The following LIG1 variants were observed in gnomAD, a reference collection of about 807,000 sequenced individuals.
LIG1 encodes DNA ligase 1, also known as ligase I, DNA, ATP-dependent.
LIG1 carries 70 observed loss-of-function variants against 115.7 expected under a neutral mutation model. The ratio of observed to expected loss-of-function variants is 0.60; its 90% confidence interval spans 0.50 to 0.74. LIG1 has a LOEUF of 0.74. Among genes scored for constraint, LIG1 ranks in the 30% least tolerant of loss-of-function variants. The probability of loss-of-function intolerance (pLI) is 0.00; values close to 1 mark genes in which losing one functional copy is unlikely to be tolerated. For missense variants in LIG1, 1,115 were observed against 1,225.6 expected (o/e 0.91, Z 1.35); for synonymous variants, 487 against 495.3 (o/e 0.98, Z 0.22).
At chr19:48,127,865 G>C in intron 20 of LIG1, 45 bp downstream of exon 20, 5 of 1,490,032 alleles carry the variant, frequency 3.4e-6, no homozygotes, top group Non-Finnish European at 4.7e-6. Flanking sequence ...GGTGGAAGAT[G>C]AGGAAGTACG....
At chr19:48,128,049 C>T (rs1215520208) in intron 19 of LIG1, 29 bp from the exon 20 acceptor site, 1 of 1,559,536 alleles carries the variant, frequency 6.4e-7, no homozygotes, top group Non-Finnish European at 8.8e-7. Context: ...GACCCAGGGC[C>T]TGAGAGAGGT....
intron 19 of LIG1, among the ~76,000 whole-genome samples, chr19:48,128,889 A>G (rs1285901231): frequency 6.6e-6 from 1 of 152,120 alleles, no homozygotes; most frequent in East Asian, 1.9e-4. Context: ...CAGCCTCCCG[A>G]GTAGCTGGGA....
chr19:48,166,862 T>C (rs2036508635), intron 1 of LIG1, among the ~76,000 whole-genome samples: 1 of 146,202 alleles, frequency 6.8e-6, no homozygotes, highest in African/African-American at 2.6e-5. Context: ...TCCCAGCTAG[T>C]GGGGAGGCTG....
chr19:48,127,277 C>T lies in LIG1; in HGVS notation c.2004G>A (p.Glu668=), dbSNP rs2033730860. The change falls in exon 21 of 28, where the codon GAG becomes GAA. Residue 668 remains glutamate (E), a splice_region_variant and synonymous_variant. Coordinates refer to ENST00000263274, the MANE Select transcript of LIG1 (RefSeq NM_000234.3). ...CCCTGGACAGGAAGCTGGAACTCACCTCTCCATTGAGGTAGATGAGGTCGA... is the reference window on the plus strand; with the variant it reads ...CCCTGGACAGGAAGCTGGAACTCACTTCTCCATTGAGGTAGATGAGGTCGA... ...YAFDLIYLNG[E]SLVREPLSRR... The T allele has an allele frequency of 1.2e-6, 2 of 1,613,458 alleles. No individual in the cohort carries two copies. The highest frequency in any genetic ancestry group is 2.2e-5 in the South Asian group (2 of 91,078).
At chr19:48,123,590 A>T in intron 21 of LIG1, 1 of 529,576 alleles carries the variant, frequency 1.9e-6, no homozygotes, top group Non-Finnish European at 3.4e-6. Flanking sequence ...TTGAATTAAC[A>T]CTTTACGGGC....
intron 17 of LIG1, 23 bp from the exon 18 acceptor site, chr19:48,133,120 T>A (rs372450369): frequency 6.7e-7 from 1 of 1,481,904 alleles, no homozygotes; most frequent in East Asian, 2.3e-5. Flanking sequence ...GAGAGTGAGT[T>A]AGAGGAGAGG....
In LIG1 at chr19:48,121,338, G is replaced by A. The variant is rs374166253; in HGVS notation, c.2233-16C>T. The A allele has an allele frequency of 1.3e-6, 2 of 1,588,120 alleles. No individual in the cohort carries two copies. Among genetic ancestry groups the A allele is most frequent in the Admixed American group, 1.7e-5 (1 of 58,090 alleles). ...CCTTCTTCAGCTGGGAGAAGGGGAGGCAAGAGATGAGAAGGGGGAGCGCCC... is the reference window on the plus strand; with the variant it reads ...CCTTCTTCAGCTGGGAGAAGGGGAGACAAGAGATGAGAAGGGGGAGCGCCC... On this transcript the variant is annotated splice_polypyrimidine_tract_variant and intron_variant, in intron 23 of 27. Transcript: ENST00000263274.
At chr19:48,121,146 C>T in intron 24 of LIG1, 24 bp downstream of exon 24, 1 of 1,614,064 alleles carries the variant, frequency 6.2e-7, no homozygotes, top group Non-Finnish European at 8.5e-7. Context: ...CCTGCTTCTG[C>T]CATCAGCCCC....
chr19:48,122,826 G>T lies in LIG1; in HGVS notation c.2232+108C>A, dbSNP rs1197845782. 11 of 994,810 alleles carry T rather than the reference G, an allele frequency of 1.1e-5. No homozygotes were observed. Among genetic ancestry groups the T allele is most frequent in the Non-Finnish European group, 1.8e-5 (11 of 615,614 alleles). The allele number at this position is 994,810 out of a possible 1,614,324, so 61.6% of individuals were successfully genotyped here. ...GGCTGGGGTGGGATTGTGAAAAGGGGCCCTGAGCTCAGACAGGGTACACAG... is the reference window on the plus strand; with the variant it reads ...GGCTGGGGTGGGATTGTGAAAAGGGTCCCTGAGCTCAGACAGGGTACACAG... On this transcript the variant is annotated intron_variant, in intron 23 of 27. Transcript: ENST00000263274. The surrounding 1 kb of genome is among the most constrained non-coding windows in gnomAD (Gnocchi z 4.3).
rs2122835938 is a variant in LIG1, at chr19:48,150,126, G to A, written c.659C>T (p.Pro220Leu). ...GAGCGTCTTGGGAGCTCTGCGGGGA[G>A]GCTTGGTCTGCTCTTCCTCCTCCTG... ...ELQEEEEQTK[P>L]PRRAPKTLSS... The change falls in exon 8 of 28, where the codon CCT becomes CTT. Residue 220 changes from proline to leucine, a missense_variant. By Grantham distance (98) the Pro-to-Leu change is moderately conservative. Coordinates refer to ENST00000263274, the MANE Select transcript of LIG1 (RefSeq NM_000234.3). 6.2e-7 allele frequency: 1 copy of A among 1,614,210 alleles called. No homozygotes were observed. The highest frequency in any genetic ancestry group is 8.5e-7 in the Non-Finnish European group (1 of 1,180,034).
rs1274706603 is a variant in LIG1, at chr19:48,133,973, G to T, written c.1609+8C>A. On this transcript the variant is annotated splice_region_variant and intron_variant, in intron 17 of 27. Coordinates refer to ENST00000263274, the MANE Select transcript of LIG1 (RefSeq NM_000234.3). ...TGCCAGGCTGGTGAGCGCCCCTGGG[G>T]CCTGTACCTGGGCTCAGCTTGCAGT... 1 of 1,552,132 alleles carries T rather than the reference G, an allele frequency of 6.4e-7. No homozygotes were observed. The highest frequency in any genetic ancestry group is 2.0e-5 in the Admixed American group (1 of 51,144).
In LIG1 at chr19:48,161,437, C is replaced by A. The variant is rs369263086; in HGVS notation, c.178G>T (p.Ala60Ser). ...CCTTCGCTGCCCAGGACCCGGGCCG[C>A]CTTCCTCCCTGGCCTCTTCACCGGA... ...DSPVKRPGRK[A>S]ARVLGSEGEE... Residue 60 changes from alanine (A) to serine (S), a missense_variant, in exon 4 of 28, where the codon GCG (alanine) becomes TCG (serine). Ala to Ser is a moderately conservative substitution (Grantham distance 99). Coordinates refer to ENST00000263274, the MANE Select transcript of LIG1 (RefSeq NM_000234.3). The A allele has an allele frequency of 1.9e-6, 3 of 1,614,204 alleles. No homozygotes were observed. In the Admixed American group the frequency reaches 5.0e-5, roughly 27 times the overall value.
intron 21 of LIG1, among the ~76,000 whole-genome samples, chr19:48,123,936 T>A: frequency 6.6e-6 from 1 of 152,180 alleles, no homozygotes; most frequent in Non-Finnish European, 1.5e-5. Context: ...CAGTTTTGTG[T>A]TTTGCTTTGA....
At chr19:48,125,327 C>G (rs2033591562) in intron 21 of LIG1, among the ~76,000 whole-genome samples, 1 of 152,186 alleles carries the variant, frequency 6.6e-6, no homozygotes, top group Non-Finnish European at 1.5e-5. Context: ...TGACTTTCCT[C>G]TCCCCAGACA....
chr19:48,133,176 T>C (rs913136077), intron 17 of LIG1, 79 bp from the exon 18 acceptor site: 2 of 946,588 alleles, frequency 2.1e-6, no homozygotes, highest in East Asian at 2.4e-5. Flanking sequence ...GAACTGCTAA[T>C]GGGCCCCAGG....
Position 48,143,536 on chromosome 19 carries a change from T to G in LIG1, c.914+7A>C, listed in dbSNP as rs2034915154. ...CGCCCCCCACCCAGGCAGTCCTCAT[T>G]AGTTACCGAGCAGACACCTCCTCGA... On this transcript the variant is annotated splice_region_variant and intron_variant, in intron 11 of 27. Transcript: ENST00000263274. The G allele has an allele frequency of 2.1e-6, 2 of 944,518 alleles. No homozygotes were observed. The highest frequency in any genetic ancestry group is 2.2e-5 in the Admixed American group (1 of 46,432). The allele number at this position is 944,518 out of a possible 1,614,324, so 58.5% of individuals were successfully genotyped here.
intron 1 of LIG1, 107 bp from the exon 2 acceptor site, chr19:48,165,730 G>C (rs763819280): frequency 1.1e-6 from 1 of 875,334 alleles, no homozygotes; most frequent in Non-Finnish European, 1.8e-6. Context: ...ACAGAAACAT[G>C]AATTTCCCCT....
At position 48,161,437 on chromosome 19, in the gene LIG1, CCTTCCTCCCTGGCCT is replaced by C; in HGVS notation, c.163_177del (p.Arg55_Lys59del). The C allele has an allele frequency of 6.2e-7, 1 of 1,614,204 alleles. No homozygotes were observed. Among genetic ancestry groups the C allele is most frequent in the Non-Finnish European group, 8.5e-7 (1 of 1,180,046 alleles). On this transcript the variant is annotated inframe_deletion, in exon 4 of 28. Transcript: ENST00000263274. ...CCTTCGCTGCCCAGGACCCGGGCCG[CCTTCCTCCCTGGCCT>C]CTTCACCGGAGAGTCACTCTCGGAC...
chr19:48,130,414 A>G (rs1171122205), intron 19 of LIG1, among the ~76,000 whole-genome samples: 2 of 152,180 alleles, frequency 1.3e-5, no homozygotes, highest in Non-Finnish European at 1.5e-5. Context: ...CGAGACCCCT[A>G]CTGGGTGCAG....
Sources: gnomAD v4.1 joint callset for allele counts (sites outside exome capture counted in the v4.1 genomes callset) on GRCh38, gnomAD v4.1.1 for gene constraint, Gnocchi (gnomAD v3.1) non-coding constraint, MANE v1.5 for transcripts, NCBI Gene and HGNC (gene_info 2026-07-23, HGNC 2026-07-21) for gene names.